PDZD4: variants seen among roughly 807,000 people sequenced by gnomAD.
PDZD4 encodes the protein PDZ domain containing 4.
In PDZD4, 9 loss-of-function variants were observed where a neutral mutation model predicts 38.5. The ratio of observed to expected loss-of-function variants is 0.23; its 90% CI spans 0.14 to 0.41. PDZD4 has a LOEUF of 0.41. Ranked by LOEUF, PDZD4 falls within the 10% of genes least tolerant of loss-of-function variation. The probability of loss-of-function intolerance (pLI) is 1.00; values close to 1 mark genes in which losing one functional copy is unlikely to be tolerated. For missense variants in PDZD4, 612 were observed against 722.0 expected (o/e 0.85, Z 1.75); for synonymous variants, 349 against 315.7 (o/e 1.11, Z -1.12).
intron 6 of PDZD4, 50 bp from the exon 7 acceptor site, chrX:153,805,257 T>G: frequency 9.5e-7 from 1 of 1,052,915 alleles, no homozygotes; most frequent in Non-Finnish European, 1.3e-6. Flanking sequence ...CCTCCCCATA[T>G]ACCCTTCTTG....
chrX:153,805,322 C>A, intron 6 of PDZD4, 115 bp from the exon 7 acceptor site: 1 of 757,122 alleles, frequency 1.3e-6, no homozygotes, highest in Admixed American at 2.6e-5. Flanking sequence ...AACCTGGGGG[C>A]AGCGTCCCAG....
chrX:153,807,174 T>G (rs1337738014), intron 3 of PDZD4, 105 bp downstream of exon 3: 1 of 822,614 alleles, frequency 1.2e-6, no homozygotes, highest in Non-Finnish European at 1.7e-6. Flanking sequence ...CTCAGCCAGA[T>G]GCGTGCCAGG....
Position 153,830,390 on chromosome X carries a change from A to T in PDZD4, c.-92T>A. ...GGACCTCGGGTCCCGGGCCGGGGCC[A>T]GGGGCCATACCCTGGCGCGGGGGGC... On this transcript the variant is annotated 5_prime_UTR_variant, in exon 1 of 8. Coordinates refer to ENST00000393758, the MANE Select transcript of PDZD4 (RefSeq NM_001303512.2). 1 of 805,136 alleles carries T rather than the reference A, an allele frequency of 1.2e-6. No individual in the cohort carries two copies. Among genetic ancestry groups the T allele is most frequent in the Non-Finnish European group, 1.8e-6 (1 of 555,642 alleles). 66.4% of individuals were successfully genotyped at this position (805,136 alleles called of 1,213,427 possible).
chrX:153,810,389 G>T, intron 1 of PDZD4, among the ~76,000 whole-genome samples: 1 of 112,632 alleles, frequency 8.9e-6, no homozygotes, highest in African/African-American at 3.2e-5. Context: ...CAGGCAAAGG[G>T]AACAGGGCCA....
intron 1 of PDZD4, among the ~76,000 whole-genome samples, chrX:153,817,841 G>A (rs1271432994): frequency 8.9e-6 from 1 of 112,218 alleles, no homozygotes; most frequent in African/African-American, 3.2e-5. Context: ...CGAGGCATGT[G>A]GACATCTCCA....
chrX:153,808,889 A>G (rs2064281977), intron 1 of PDZD4, among the ~76,000 whole-genome samples: 1 of 112,593 alleles, frequency 8.9e-6, no homozygotes, highest in Admixed American at 9.3e-5. Context: ...CCGCCCTACA[A>G]CGTCCTCCAG....
intron 2 of PDZD4, chrX:153,807,723 G>C: frequency 6.8e-6 from 1 of 146,378 alleles, no homozygotes. Context: ...CCCCACTCAT[G>C]CAACGCCCCC....
intron 1 of PDZD4, among the ~76,000 whole-genome samples, chrX:153,821,186 TG>T (rs1264193155): frequency 2.6e-4 from 29 of 111,019 alleles, no homozygotes; most frequent in Non-Finnish European, 5.3e-4. Flanking sequence ...CCTTTCTGCC[TG>T]GGGGCAGGAG....
chrX:153,829,653 G>A (rs112536193), intron 1 of PDZD4: 34 of 713,012 alleles, frequency 4.8e-5, no homozygotes, highest in African/African-American at 3.3e-4. Context: ...GGGCCCTGCT[G>A]GTCCACGCCC....
At position 153,802,475 on chromosome X, in the gene PDZD4, A is replaced by T. The variant is rs1213964539; in HGVS notation, c.*878T>A. On this transcript the variant is annotated 3_prime_UTR_variant, in exon 8 of 8. Coordinates refer to ENST00000393758, the MANE Select transcript of PDZD4 (RefSeq NM_001303512.2). ...ACCATCTAAGCACCTTCCTCAGTTC[A>T]CTCAGAAGAGAAGCCCCTGCTCCAG... The T allele has an allele frequency of 9.1e-6, 1 of 110,402 alleles. No individual in the cohort carries two copies. The highest frequency in any genetic ancestry group is 3.3e-5 in the African/African-American group (1 of 30,256). 9.1% of individuals were successfully genotyped at this position (110,402 alleles called of 1,213,427 possible).
chrX:153,825,205 G>T (rs986896755), intron 1 of PDZD4, among the ~76,000 whole-genome samples: 1 of 112,401 alleles, frequency 8.9e-6, no homozygotes, highest in Non-Finnish European at 1.9e-5. Context: ...GGACAGAGGG[G>T]AGATGACAGG....
In PDZD4 at chrX:153,808,482, C is replaced by G; in HGVS notation, c.174G>C (p.Gly58=). The G allele has an allele frequency of 8.3e-7, 1 of 1,211,039 alleles. No individual in the cohort carries two copies. Among genetic ancestry groups the G allele is most frequent in the Non-Finnish European group, 1.1e-6 (1 of 895,309 alleles). ...GCTGCAGGTCGTGACAGGAGCTGTC[C>G]CCCCGGAGGCGGGGGCTGCGTCTCA... ...QVLRRSPRLR[G]DSSCHDLQLV... is the part of the protein sequence containing the mutation. Residue 58 remains glycine (G), a synonymous_variant, in exon 2 of 8, where the codon GGG becomes GGC. Transcript: ENST00000393758.
At chrX:153,822,133 G>C (rs1443488616) in intron 1 of PDZD4, among the ~76,000 whole-genome samples, 1 of 100,066 alleles carries the variant, frequency 1.0e-5, no homozygotes, top group African/African-American at 3.7e-5. Flanking sequence ...GCTGCAATGA[G>C]CCGAGATCAC....
At chrX:153,816,697 T>C (rs1431955174) in intron 1 of PDZD4, among the ~76,000 whole-genome samples, 10 of 111,652 alleles carry the variant, frequency 9.0e-5, no homozygotes, top group Non-Finnish European at 5.7e-5. Flanking sequence ...CAGGACAGCC[T>C]CTCTGGGTCG....
At chrX:153,824,482 A>T (rs1324566903) in intron 1 of PDZD4, among the ~76,000 whole-genome samples, 1 of 110,631 alleles carries the variant, frequency 9.0e-6, no homozygotes, top group African/African-American at 3.3e-5. Flanking sequence ...TGAGGCGGGG[A>T]GGCAGAGTGC....
rs1444515539 is a variant in PDZD4 at position 153,802,210 on chromosome X, G to A, written c.*1143C>T. On this transcript the variant is annotated 3_prime_UTR_variant, in exon 8 of 8. Transcript: ENST00000393758. ...AGCTTGCTTTATTCTTGAGATGCAG[G>A]GGGGGAAGGGGTGGTGCAGTCTGTC... The A allele has an allele frequency of 1.8e-5, 2 of 112,084 alleles. No individual in the cohort carries two copies. Among genetic ancestry groups the A allele is most frequent in the Non-Finnish European group, 3.8e-5 (2 of 53,146 alleles). The allele number at this position is 112,084 out of a possible 1,213,427, so 9.2% of individuals were successfully genotyped here. A position where few individuals can be genotyped will look rare whatever the true frequency, so the allele number is the denominator to read the frequency against.
chrX:153,806,920 G>T, intron 3 of PDZD4, 80 bp from the exon 4 acceptor site: 1 of 854,335 alleles, frequency 1.2e-6, no homozygotes, highest in Non-Finnish European at 1.7e-6. Context: ...GCACAGCCCA[G>T]CCCCTCAGCC....
Position 153,804,871 on chromosome X carries a change from G to A in PDZD4, c.810C>T (p.Pro270=). ...QPGNEEEKGA[P]DAGPGLSNSQ... ...TGTTGCTCAGGCCTGGGCCGGCATC[G>A]GGAGCCCCCTTCTCCTCTTCGTTTC... Residue 270 remains proline, a synonymous_variant, in exon 8 of 8, where the codon CCC becomes CCT. Transcript: ENST00000393758. 4 of 1,209,755 alleles carry A rather than the reference G, an allele frequency of 3.3e-6. No homozygotes were observed. Among genetic ancestry groups the A allele is most frequent in the Non-Finnish European group, 4.5e-6 (4 of 894,462 alleles).
chrX:153,810,732 G>A lies in PDZD4; in HGVS notation c.61-2137C>T, dbSNP rs185011619. ...GTGCCCGCGATACAGTAGAACCACC[G>A]CTGTACGAGTCTTTTCGGGAAGACA... On this transcript the variant is annotated intron_variant, in intron 1 of 7. Coordinates refer to ENST00000393758, the MANE Select transcript of PDZD4 (RefSeq NM_001303512.2). 3.6e-5 allele frequency among the ~76,000 whole-genome samples: 4 copies of A among 112,427 alleles called. No homozygotes were observed. In the Admixed American group the frequency reaches 3.7e-4, roughly 11 times the overall value.
Sources: allele counts gnomAD v4.1 joint callset (sites outside exome capture counted in the v4.1 genomes callset), GRCh38; gene constraint gnomAD v4.1.1; transcripts MANE v1.5; gene names NCBI Gene and HGNC (gene_info 2026-07-23, HGNC 2026-07-21).